MED15: variants seen among roughly 807,000 people sequenced by gnomAD.
The protein encoded by MED15 is mediator of RNA polymerase II transcription subunit 15.
MED15 carries 41 observed loss-of-function variants against 118.7 expected under a neutral mutation model. That is an observed-to-expected ratio of 0.35 (90% CI 0.27 to 0.45). MED15 has a LOEUF of 0.45. Ranked by LOEUF, MED15 falls within the 20% of genes least tolerant of loss-of-function variation. The pLI, the probability that MED15 is intolerant of heterozygous loss-of-function variation, is 1.00. For synonymous variants in MED15, 436 were observed against 413.9 expected, an observed-to-expected ratio of 1.05 and a Z score of -0.65; for missense variants, 740 against 1,025.5, an observed-to-expected ratio of 0.72 and a Z score of 3.80.
chr22:20,568,495 A>T, intron 7 of MED15, 26 bp from the exon 8 acceptor site: 5 of 1,610,850 alleles, frequency 3.1e-6, no homozygotes, highest in Non-Finnish European at 4.2e-6. Flanking sequence ...GTGGTTCCAA[A>T]TCACATTCTC....
At chr22:20,564,738 C>A in intron 6 of MED15, 50 bp downstream of exon 6, 1 of 1,608,540 alleles carries the variant, frequency 6.2e-7, no homozygotes, top group Non-Finnish European at 8.5e-7. Flanking sequence ...CAGCGTGAGC[C>A]CTGGGCTGGC....
chr22:20,577,178 C>T (rs2056847567), intron 9 of MED15, among the ~76,000 whole-genome samples: 1 of 152,192 alleles, frequency 6.6e-6, no homozygotes, highest in African/African-American at 2.4e-5. Context: ...ATGCCTTGGC[C>T]TCTCAGCAGG....
At chr22:20,582,296 G>A (rs1482688452) in intron 9 of MED15, 5 of 469,682 alleles carry the variant, frequency 1.1e-5, no homozygotes, top group Non-Finnish European at 1.9e-5. Flanking sequence ...GCCAGCCAAG[G>A]GCATTGCCTC....
intron 9 of MED15, among the ~76,000 whole-genome samples, chr22:20,577,841 C>T (rs1209927782): frequency 6.6e-6 from 1 of 152,090 alleles, no homozygotes; most frequent in Non-Finnish European, 1.5e-5. Context: ...ACAAAAGCCA[C>T]AGGATTTATG....
intron 9 of MED15, 97 bp from the exon 10 acceptor site, chr22:20,582,514 G>A: frequency 3.3e-6 from 5 of 1,517,322 alleles, no homozygotes; most frequent in Non-Finnish European, 4.4e-6. Context: ...TGGTGAGGCT[G>A]TGCGGGAGGA....
chr22:20,564,463 CCAGCAGGTGGCGCTGCAGCAG>C lies in MED15; in HGVS notation c.472_492del (p.Val158_Gln164del). On this transcript the variant is annotated inframe_deletion, in exon 6 of 18. Transcript: ENST00000263205. Reference sequence around the variant, plus strand: ...GTCTTTTCTCAGCCCAGCTGCAGCTCCAGCAGGTGGCGCTGCAGCAGCAGCAGCAACAGCAGCAGTTCCAGC... The same window carrying C: ...GTCTTTTCTCAGCCCAGCTGCAGCTCCAGCAGCAACAGCAGCAGTTCCAGC... 1 of 1,613,492 alleles carries C rather than the reference CCAGCAGGTGGCGCTGCAGCAG, an allele frequency of 6.2e-7. No homozygotes were observed. Among genetic ancestry groups the C allele is most frequent in the Non-Finnish European group, 8.5e-7 (1 of 1,179,866 alleles).
Position 20,564,605 on chromosome 22 carries a change from G to A in MED15, c.607G>A (p.Val203Ile), listed in dbSNP as rs2056367546. 1 of 1,610,718 alleles carries A rather than the reference G, an allele frequency of 6.2e-7. No individual in the cohort carries two copies. The highest frequency in any genetic ancestry group is 8.5e-7 in the Non-Finnish European group (1 of 1,178,156). ...QSAMQQQFQA[V>I]VQQQQQLQQQ... ...TGCCATGCAGCAGCAGTTCCAAGCAGTAGTGCAGCAGCAGCAGCAGCTCCA... is the reference window on the plus strand; with the variant it reads ...TGCCATGCAGCAGCAGTTCCAAGCAATAGTGCAGCAGCAGCAGCAGCTCCA... Residue 203 changes from valine to isoleucine, a missense_variant, in exon 6 of 18, where the codon GTA becomes ATA. Val to Ile is a conservative substitution (Grantham distance 29). Coordinates refer to ENST00000263205, the MANE Select transcript of MED15 (RefSeq NM_001003891.3).
chr22:20,560,970 A>G (rs1261374221), intron 5 of MED15, among the ~76,000 whole-genome samples: 1 of 152,226 alleles, frequency 6.6e-6, no homozygotes, highest in Non-Finnish European at 1.5e-5. Flanking sequence ...TAGAGCGTGA[A>G]TATCGGTTCT....
intron 5 of MED15, among the ~76,000 whole-genome samples, chr22:20,560,696 C>G (rs373307701): frequency 6.6e-6 from 1 of 152,184 alleles, no homozygotes; most frequent in Non-Finnish European, 1.5e-5. Flanking sequence ...GCACCCAACC[C>G]CAGGGACTAT....
intron 1 of MED15, among the ~76,000 whole-genome samples, chr22:20,531,207 C>G (rs900706807): frequency 6.6e-6 from 1 of 151,992 alleles, no homozygotes. Context: ...CAGTTTTTTG[C>G]TTTATCTTAG....
At position 20,586,681 on chromosome 22, in the gene MED15, C is replaced by A; in HGVS notation, c.2344C>A (p.Gln782Lys). The A allele has an allele frequency of 6.2e-7, 1 of 1,612,730 alleles. No individual in the cohort carries two copies. The highest frequency in any genetic ancestry group is 1.1e-5 in the South Asian group (1 of 91,082). The change falls in exon 18 of 18, where the codon CAG becomes AAG. Residue 782 changes from glutamine to lysine, a missense_variant. This residue lies in a region of MED15 where 179 missense variants were observed against 259.0 expected (regional missense o/e 0.69). Coordinates refer to ENST00000263205, the MANE Select transcript of MED15 (RefSeq NM_001003891.3). ...CAACACCTGGGCCCAGAGCGTCCACCAGGCCTGCCTCTCAGCCGCCTAGCC... is the reference window on the plus strand; with the variant it reads ...CAACACCTGGGCCCAGAGCGTCCACAAGGCCTGCCTCTCAGCCGCCTAGCC... ...LLNTWAQSVH[Q>K]ACLSAA is the part of the protein sequence containing the mutation.
rs1356067597 is a variant in MED15 at position 20,583,326 on chromosome 22, C to G, written c.1673-4C>G. 2 of 1,613,140 alleles carry G rather than the reference C, an allele frequency of 1.2e-6. No homozygotes were observed. The highest frequency in any genetic ancestry group is 2.7e-5 in the African/African-American group (2 of 74,910). On this transcript the variant is annotated splice_region_variant and splice_polypyrimidine_tract_variant and intron_variant, in intron 12 of 17. Coordinates refer to ENST00000263205, the MANE Select transcript of MED15 (RefSeq NM_001003891.3). ...GTCTTAGTGTGTACCCTCTTCTGTC[C>G]CAGACAGAAAAAAGGACCTGAGTAA...
At chr22:20,522,177 A>G (rs1308341931) in intron 1 of MED15, 1 of 152,200 alleles carries the variant, frequency 6.6e-6, no homozygotes, top group Non-Finnish European at 1.5e-5. Flanking sequence ...CTTCTGGTAA[A>G]TATATGCACT....
chr22:20,556,606 A>G (rs2056018495), intron 5 of MED15, among the ~76,000 whole-genome samples: 1 of 152,084 alleles, frequency 6.6e-6, no homozygotes, highest in Non-Finnish European at 1.5e-5. Context: ...AGCCGACTTC[A>G]TCAGTTTTTT....
At chr22:20,575,319 G>C (rs964732071) in intron 9 of MED15, 87 bp downstream of exon 9, 2 of 1,481,892 alleles carry the variant, frequency 1.3e-6, no homozygotes, top group Admixed American at 2.3e-5. Flanking sequence ...CATTATCATC[G>C]CCGGTGACTT....
intron 5 of MED15, among the ~76,000 whole-genome samples, chr22:20,561,130 A>G (rs1359350472): frequency 6.6e-6 from 1 of 152,238 alleles, no homozygotes; most frequent in Non-Finnish European, 1.5e-5. Flanking sequence ...TTTAAGATCA[A>G]TAGAAAAAAT....
At position 20,530,029 on chromosome 22, in the gene MED15, C is replaced by CT. The variant is rs201483423; in HGVS notation, c.69-7080dup. The stretch of plus-strand genomic sequence containing the variant: ...GTGAACCACCACACCTAGTCCAAAT[C>CT]TTTTTTTTAATATGGGAAAATCTTT... On this transcript the variant is annotated intron_variant, in intron 1 of 17. Coordinates refer to ENST00000263205, the MANE Select transcript of MED15 (RefSeq NM_001003891.3). 6.7e-3 allele frequency among the ~76,000 whole-genome samples: 1,019 copies of CT among 151,538 alleles called. 12 individuals are homozygous for CT. The highest frequency in any genetic ancestry group is 0.023 in the African/African-American group (935 of 41,486).
At chr22:20,578,722 G>A (rs1190298050) in intron 9 of MED15, among the ~76,000 whole-genome samples, 1 of 152,250 alleles carries the variant, frequency 6.6e-6, no homozygotes, top group Non-Finnish European at 1.5e-5. Context: ...TGGCCACTCT[G>A]TGGCCACTGT....
intron 13 of MED15, chr22:20,583,645 T>C: frequency 2.0e-6 from 1 of 498,396 alleles, no homozygotes; most frequent in Non-Finnish European, 3.6e-6. Context: ...CAGCCAGACC[T>C]CATCCAGTCA....
Sources: gnomAD v4.1 joint callset for allele counts (sites outside exome capture counted in the v4.1 genomes callset) on GRCh38, gnomAD v4.1.1 for gene constraint, gnomAD v4.1.1 regional missense constraint, MANE v1.5 for transcripts, NCBI Gene and HGNC (gene_info 2026-07-23, HGNC 2026-07-21) for gene names.